Variants in CHN2 observed in about 807,000 individuals in gnomAD.
CHN2 encodes beta-chimaerin.
A neutral mutation model predicts 56.3 loss-of-function variants in CHN2; 35 were observed. That is an observed-to-expected ratio of 0.62 (90% CI 0.47 to 0.82). The LOEUF is 0.82. Among genes scored for constraint, CHN2 ranks in the 40% least tolerant of loss-of-function variants. The pLI is 0.00. For missense variants in CHN2, 491 were observed against 580.5 expected, an observed-to-expected ratio of 0.85 and a Z score of 1.58; for synonymous variants, 210 against 212.8, an observed-to-expected ratio of 0.99 and a Z score of 0.12.
At chr7:29,340,998 A>G (rs1376989187) in intron 1 of CHN2, among the ~76,000 whole-genome samples, 2 of 151,998 alleles carry the variant, frequency 1.3e-5, no homozygotes, top group Non-Finnish European at 2.9e-5. Context: ...CCACCAGGAG[A>G]GCGCTTACTG....
chr7:29,421,742 T>C (rs1585336531), intron 6 of CHN2, among the ~76,000 whole-genome samples: 1 of 152,206 alleles, frequency 6.6e-6, no homozygotes, highest in South Asian at 2.1e-4. Flanking sequence ...GGCAACCACA[T>C]GCCTGTGAGT....
chr7:29,248,133 T>C (rs1309509354), intron 1 of CHN2, among the ~76,000 whole-genome samples: 1 of 152,216 alleles, frequency 6.6e-6, no homozygotes, highest in Non-Finnish European at 1.5e-5. Context: ...CTGACTGTGT[T>C]GCAGGTGATG....
At chr7:29,415,048 T>A (rs1803590053) in intron 6 of CHN2, among the ~76,000 whole-genome samples, 1 of 152,236 alleles carries the variant, frequency 6.6e-6, no homozygotes, top group Non-Finnish European at 1.5e-5. Flanking sequence ...CATTCATGCT[T>A]AACTATTAAT....
intron 1 of CHN2, among the ~76,000 whole-genome samples, chr7:29,234,404 A>G (rs1787020098): frequency 6.6e-6 from 1 of 152,192 alleles, no homozygotes; most frequent in South Asian, 2.1e-4. Flanking sequence ...TCATTCTTTT[A>G]AAATAATTCA....
chr7:29,203,679 C>A (rs1562827962), intron 1 of CHN2, among the ~76,000 whole-genome samples: 1 of 152,288 alleles, frequency 6.6e-6, no homozygotes, highest in South Asian at 2.1e-4. Context: ...ATCTGCCATA[C>A]AAAACCTGCT....
At chr7:29,415,190 T>C (rs1803609834) in intron 6 of CHN2, among the ~76,000 whole-genome samples, 1 of 152,208 alleles carries the variant, frequency 6.6e-6, no homozygotes, top group African/African-American at 2.4e-5. Flanking sequence ...GGGTCTTTGC[T>C]GGAAGAATTA....
chr7:29,147,842 T>C (rs1360623487), intron 2 of CHN2, among the ~76,000 whole-genome samples: 2 of 152,250 alleles, frequency 1.3e-5, no homozygotes, highest in East Asian at 3.8e-4. Context: ...TTAAGTACAA[T>C]AAGTTCTACC....
chr7:29,213,661 T>C (rs537878453), intron 1 of CHN2, among the ~76,000 whole-genome samples: 1 of 152,358 alleles, frequency 6.6e-6, no homozygotes, highest in African/African-American at 2.4e-5. Context: ...AGCTGTAATA[T>C]ACTTCATTGA....
intron 10 of CHN2, among the ~76,000 whole-genome samples, chr7:29,506,942 T>A (rs1790634918): frequency 2.0e-5 from 3 of 152,200 alleles, no homozygotes; most frequent in Admixed American, 1.3e-4. Flanking sequence ...TAATACAAAT[T>A]ATTGTGCTAA....
At chr7:29,242,867 T>C (rs1787800103) in intron 1 of CHN2, among the ~76,000 whole-genome samples, 1 of 151,438 alleles carries the variant, frequency 6.6e-6, no homozygotes, top group African/African-American at 2.4e-5. Flanking sequence ...AATGCTTGTC[T>C]TTTTATTTCA....
At chr7:29,295,465 TA>T (rs922939092) in intron 1 of CHN2, among the ~76,000 whole-genome samples, 44 of 144,410 alleles carry the variant, frequency 3.0e-4, no homozygotes, top group African/African-American at 3.3e-4. Context: ...ACAACCCCTT[TA>T]AAAAAAAAAA....
At chr7:29,303,783 G>C (rs1214257679) in intron 1 of CHN2, among the ~76,000 whole-genome samples, 2 of 152,188 alleles carry the variant, frequency 1.3e-5, no homozygotes, top group Non-Finnish European at 2.9e-5. Flanking sequence ...AAGCAGGCCG[G>C]GCATGGTGGC....
At chr7:29,383,019 A>G (rs556253117) in intron 3 of CHN2, among the ~76,000 whole-genome samples, 3 of 152,316 alleles carry the variant, frequency 2.0e-5, no homozygotes, top group African/African-American at 7.2e-5. Context: ...AGGACCATCC[A>G]GGGAAGATCC....
chr7:29,267,051 G>A (rs1790205781), intron 1 of CHN2, among the ~76,000 whole-genome samples: 1 of 151,878 alleles, frequency 6.6e-6, no homozygotes, highest in South Asian at 2.1e-4. Context: ...TTTTTTACCT[G>A]TCTCAAGCCC....
chr7:29,164,171 G>C (rs1389937997), intron 2 of CHN2, among the ~76,000 whole-genome samples: 7 of 152,144 alleles, frequency 4.6e-5, no homozygotes, highest in Non-Finnish European at 4.4e-5. Flanking sequence ...CACTTATTGT[G>C]TCTTTTTGAT....
At chr7:29,263,024 CCTCCCCTTTGCACGGTCCTCGT>C (rs1789695312) in intron 1 of CHN2, among the ~76,000 whole-genome samples, 1 of 152,174 alleles carries the variant, frequency 6.6e-6, no homozygotes, top group Non-Finnish European at 1.5e-5. Context: ...CCCCTCTCCC[CCTCCCCTTTGCACGGTCCTCGT>C]CTCCCCTTTG....
At chr7:29,454,101 T>G (rs1413940090) in intron 6 of CHN2, among the ~76,000 whole-genome samples, 1 of 152,194 alleles carries the variant, frequency 6.6e-6, no homozygotes, top group Non-Finnish European at 1.5e-5. Flanking sequence ...CTCTGAGAGC[T>G]TAATGGTGCC....
intron 1 of CHN2, among the ~76,000 whole-genome samples, chr7:29,225,376 T>C (rs1376749374): frequency 6.6e-6 from 1 of 152,152 alleles, no homozygotes; most frequent in African/African-American, 2.4e-5. Flanking sequence ...CATATATATG[T>C]ACGGACTCTA....
chr7:29,163,408 A>G (rs1584498162), intron 2 of CHN2, among the ~76,000 whole-genome samples: 1 of 152,274 alleles, frequency 6.6e-6, no homozygotes, highest in Middle Eastern at 3.4e-3. Context: ...TGTCTTTTAG[A>G]TAATTTAAAA....
Sources: gnomAD v4.1 joint callset for allele counts (sites outside exome capture counted in the v4.1 genomes callset) on GRCh38, gnomAD v4.1.1 for gene constraint, MANE v1.5 for transcripts, NCBI Gene and HGNC (gene_info 2026-07-23, HGNC 2026-07-21) for gene names.